The following JPH1 variants were observed in gnomAD, a reference collection of about 807,000 sequenced individuals.
JPH1 encodes the protein junctophilin 1.
In JPH1, 12 loss-of-function variants were observed where a neutral mutation model predicts 53.6. The observed-to-expected ratio is 0.22, with a 90% CI of 0.14 to 0.36. JPH1 has a LOEUF of 0.36. Among genes scored for constraint, JPH1 ranks in the 10% least tolerant of loss-of-function variants. The pLI, the probability that JPH1 is intolerant of heterozygous loss-of-function variation, is 1.00. For synonymous variants in JPH1, 375 were observed against 363.8 expected, an observed-to-expected ratio of 1.03 and a Z score of -0.35; for missense variants, 808 against 905.5, an observed-to-expected ratio of 0.89 and a Z score of 1.38.
intron 3 of JPH1, among the ~76,000 whole-genome samples, chr8:74,250,098 T>C (rs1045590625): frequency 1.1e-4 from 17 of 152,086 alleles, no homozygotes; most frequent in Admixed American, 2.6e-4. Context: ...TTAATATCAC[T>C]TGAAATTAAA....
chr8:74,285,163 A>G (rs1807126754), intron 2 of JPH1, among the ~76,000 whole-genome samples: 3 of 152,016 alleles, frequency 2.0e-5, no homozygotes, highest in African/African-American at 4.8e-5. Flanking sequence ...TTTTAAACCA[A>G]CAGGCATTAT....
intron 2 of JPH1, among the ~76,000 whole-genome samples, chr8:74,283,965 T>G (rs1807089595): frequency 1.3e-5 from 2 of 152,172 alleles, no homozygotes; most frequent in South Asian, 2.1e-4. Flanking sequence ...TGAGACTTTC[T>G]CCTTTTCCTT....
intron 2 of JPH1, among the ~76,000 whole-genome samples, chr8:74,271,599 T>C (rs1241250558): frequency 1.3e-5 from 2 of 152,230 alleles, no homozygotes; most frequent in South Asian, 4.1e-4. Flanking sequence ...CAGAGAACCC[T>C]GTAGCCATGA....
At chr8:74,279,689 A>AT (rs1240185913) in intron 2 of JPH1, among the ~76,000 whole-genome samples, 4 of 152,204 alleles carry the variant, frequency 2.6e-5, no homozygotes, top group Non-Finnish European at 5.9e-5. Context: ...AAAATCTAAC[A>AT]TATTCTCTCC....
chr8:74,305,197 A>G (rs1770558525), intron 2 of JPH1, among the ~76,000 whole-genome samples: 1 of 152,258 alleles, frequency 6.6e-6, no homozygotes, highest in Non-Finnish European at 1.5e-5. Context: ...GCAAGCGTCC[A>G]GTTTGGTGTC....
chr8:74,302,220 G>A (rs1160074053), intron 2 of JPH1, among the ~76,000 whole-genome samples: 1 of 152,194 alleles, frequency 6.6e-6, no homozygotes, highest in Non-Finnish European at 1.5e-5. Flanking sequence ...ACACTTAGGG[G>A]AAACCTAGCA....
chr8:74,305,436 G>A (rs1807804934), intron 2 of JPH1, among the ~76,000 whole-genome samples: 1 of 152,238 alleles, frequency 6.6e-6, no homozygotes, highest in African/African-American at 2.4e-5. Context: ...GGGCTTTCCA[G>A]AAAACATAGG....
chr8:74,273,455 C>T (rs974392856), intron 2 of JPH1, among the ~76,000 whole-genome samples: 8 of 152,248 alleles, frequency 5.3e-5, no homozygotes, highest in Admixed American at 1.3e-4. Flanking sequence ...ACAACAACGA[C>T]GACAAACCCA....
chr8:74,245,057 G>T lies in JPH1; in HGVS notation c.1377C>A (p.Gly459=). The T allele has an allele frequency of 6.2e-7, 1 of 1,613,886 alleles. No homozygotes were observed. The highest frequency in any genetic ancestry group is 8.5e-7 in the Non-Finnish European group (1 of 1,179,996). ...CCTCAGGAGATCTTGGGGGTGTCGT[G>T]CCTTTGCGATAAAAATGAGGAGACT... The part of the protein sequence containing the change: ...PKESPHFYRK[G]TTPPRSPEAS... Residue 459 remains glycine (G), a synonymous_variant, in exon 4 of 6, where the codon GGC becomes GGA. Coordinates refer to ENST00000342232, the MANE Select transcript of JPH1 (RefSeq NM_020647.4).
chr8:74,263,564 C>T (rs959046476), intron 2 of JPH1, among the ~76,000 whole-genome samples: 7 of 152,168 alleles, frequency 4.6e-5, no homozygotes, highest in African/African-American at 1.4e-4. Flanking sequence ...TGACAACTCC[C>T]GTTCTCTCAC....
At chr8:74,302,026 T>C (rs1807697346) in intron 2 of JPH1, among the ~76,000 whole-genome samples, 1 of 152,232 alleles carries the variant, frequency 6.6e-6, no homozygotes, top group Non-Finnish European at 1.5e-5. Context: ...GTGAATTTCC[T>C]ATGCCTCAGT....
rs1229091201 is a variant in JPH1, at chr8:74,298,979, A to T, written c.1139+15882T>A. ...AGATTAAACAGGCTATGAAGCTAAAATTAAGACCTATTACAAAAAGCCACG... is the reference window on the plus strand; with the variant it reads ...AGATTAAACAGGCTATGAAGCTAAATTTAAGACCTATTACAAAAAGCCACG... On this transcript the variant is annotated intron_variant, in intron 2 of 5. Transcript: ENST00000342232. Among the ~76,000 whole-genome samples, 6 of 152,326 alleles carry T rather than the reference A, an allele frequency of 3.9e-5. No individual in the cohort carries two copies. In the East Asian group the frequency reaches 1.2e-3, roughly 29 times the overall value.
intron 3 of JPH1, among the ~76,000 whole-genome samples, chr8:74,245,728 A>G (rs1238206909): frequency 2.6e-5 from 4 of 152,174 alleles, no homozygotes; most frequent in Non-Finnish European, 5.9e-5. Flanking sequence ...ACGGATTTGC[A>G]CAAGCAGTGT....
At chr8:74,293,522 C>T (rs1807403199) in intron 2 of JPH1, among the ~76,000 whole-genome samples, 1 of 152,164 alleles carries the variant, frequency 6.6e-6, no homozygotes, top group South Asian at 2.1e-4. Context: ...AGTGACAGAA[C>T]CAAGATCTCA....
chr8:74,258,797 T>C lies in JPH1; in HGVS notation c.1258+588A>G, dbSNP rs1382047474. Among the ~76,000 whole-genome samples the C allele has an allele frequency of 2.0e-5, 3 of 152,378 alleles. No homozygotes were observed. In the South Asian group the frequency reaches 6.2e-4, roughly 32 times the overall value. The stretch of plus-strand genomic sequence containing the variant: ...TAGATTCTTGTCTAGTTTACTGCTA[T>C]CAGCTCAAACTTTGTTGGTCATATG... On this transcript the variant is annotated intron_variant, in intron 3 of 5. Transcript: ENST00000342232.
Position 74,315,701 on chromosome 8 carries a change from AG to A in JPH1, c.380-82del, listed in dbSNP as rs1808138490. On this transcript the variant is annotated intron_variant, in intron 1 of 5. Transcript: ENST00000342232. This position sits in a 1 kb window ranked among gnomAD's most constrained non-coding sequence, Gnocchi z 6.3. ...TGCACCATCCAGCGCACACTGGCGC[AG>A]GCCTGCCCAAGGTCAAATCTGACCC... 2 of 1,367,212 alleles carry A rather than the reference AG, an allele frequency of 1.5e-6. No homozygotes were observed. The highest frequency in any genetic ancestry group is 5.2e-5 in the Admixed American group (2 of 38,384). 84.7% of individuals were successfully genotyped at this position (1,367,212 alleles called of 1,614,324 possible).
chr8:74,307,117 C>T (rs1807860302), intron 2 of JPH1, among the ~76,000 whole-genome samples: 1 of 152,164 alleles, frequency 6.6e-6, no homozygotes, highest in African/African-American at 2.4e-5. Flanking sequence ...TAACTCTCTT[C>T]CTTTGGTTAT....
At chr8:74,283,578 T>C (rs1211765654) in intron 2 of JPH1, among the ~76,000 whole-genome samples, 1 of 152,176 alleles carries the variant, frequency 6.6e-6, no homozygotes, top group Non-Finnish European at 1.5e-5. Flanking sequence ...AGGCAGAGGA[T>C]GAATACAAGT....
chr8:74,251,373 C>A (rs923278771), intron 3 of JPH1, among the ~76,000 whole-genome samples: 1 of 152,156 alleles, frequency 6.6e-6, no homozygotes, highest in African/African-American at 2.4e-5. Context: ...CCTGATCTAC[C>A]TTTGTGTAGT....
Sources: allele counts gnomAD v4.1 joint callset (sites outside exome capture counted in the v4.1 genomes callset), GRCh38; gene constraint gnomAD v4.1.1; non-coding constraint Gnocchi (gnomAD v3.1); transcripts MANE v1.5; gene names NCBI Gene and HGNC (gene_info 2026-07-23, HGNC 2026-07-21).